The following RPS6KA1 variants were observed in gnomAD, a reference collection of about 807,000 sequenced individuals.
RPS6KA1 encodes the protein ribosomal protein S6 kinase A1, also known as ribosomal protein S6 kinase alpha-1.
Under a neutral mutation model 91.3 loss-of-function variants are expected in RPS6KA1, and 48 were observed. The ratio of observed to expected loss-of-function variants is 0.53; its 90% confidence interval spans 0.42 to 0.67. RPS6KA1 has a LOEUF of 0.67. Among genes scored for constraint, RPS6KA1 ranks in the 30% least tolerant of loss-of-function variants. The probability of loss-of-function intolerance (pLI) is 0.00; values close to 1 mark genes in which losing one functional copy is unlikely to be tolerated. For missense variants in RPS6KA1, 719 were observed against 960.5 expected (o/e 0.75, Z 3.32); for synonymous variants, 359 against 384.7 (o/e 0.93, Z 0.78).
At chr1:26,537,061 C>T in intron 2 of RPS6KA1, 92 bp downstream of exon 2, 1 of 1,378,774 alleles carries the variant, frequency 7.3e-7, no homozygotes. Flanking sequence ...GCCTCTAGCC[C>T]CTTTGCCCAA....
chr1:26,551,762 G>A lies in RPS6KA1; in HGVS notation c.468+39G>A. ...TACTGCCAGAGGGCCCCGGGATGGA[G>A]CTGAGGGACGACAAGTCCTCCCATC... On this transcript the variant is annotated intron_variant, in intron 6 of 21. Transcript: ENST00000374168. The surrounding 1 kb of genome is among the most constrained non-coding windows in gnomAD (Gnocchi z 4.5). 1.3e-6 allele frequency: 2 copies of A among 1,549,816 alleles called. No homozygotes were observed. The highest frequency in any genetic ancestry group is 1.8e-6 in the Non-Finnish European group (2 of 1,121,536).
intron 1 of RPS6KA1, among the ~76,000 whole-genome samples, chr1:26,535,819 G>T (rs2075902000): frequency 6.6e-6 from 1 of 152,020 alleles, no homozygotes; most frequent in Admixed American, 6.5e-5. Flanking sequence ...GCCACATGGG[G>T]CCAGGGCCTA....
At chr1:26,564,695 G>A (rs1174867508) in intron 17 of RPS6KA1, among the ~76,000 whole-genome samples, 1 of 152,140 alleles carries the variant, frequency 6.6e-6, no homozygotes, top group Non-Finnish European at 1.5e-5. Context: ...GGCGATGCCT[G>A]ATTATGTCTA....
intron 2 of RPS6KA1, 32 bp downstream of exon 2, chr1:26,537,001 G>A: frequency 6.2e-7 from 1 of 1,612,410 alleles, no homozygotes; most frequent in Admixed American, 1.7e-5. Flanking sequence ...CTGAGCGAGG[G>A]GCTGTGGGGG....
chr1:26,550,231 G>A (rs1161505578), intron 4 of RPS6KA1, among the ~76,000 whole-genome samples: 17 of 139,750 alleles, frequency 1.2e-4, no homozygotes, highest in African/African-American at 4.5e-4. Context: ...TCACCAGGCT[G>A]GAGTGCAGTG....
At position 26,558,843 on chromosome 1, in the gene RPS6KA1, A is replaced by G. The variant is rs2076128512; in HGVS notation, c.1121A>G (p.Gln374Arg). 6.2e-7 allele frequency: 1 copy of G among 1,613,324 alleles called. No individual in the cohort carries two copies. The highest frequency in any genetic ancestry group is 2.2e-5 in the East Asian group (1 of 44,830). The change falls in exon 14 of 22, where the codon CAG becomes CGG. Residue 374 changes from glutamine (Q) to arginine (R), a missense_variant. This residue lies in a region of RPS6KA1 where 228 missense variants were observed against 247.6 expected (regional missense o/e 0.92). Coordinates refer to ENST00000374168, the MANE Select transcript of RPS6KA1 (RefSeq NM_002953.4). The surrounding 1 kb of genome is among the most constrained non-coding windows in gnomAD (Gnocchi z 4.0). ...PGIPPSAGAH[Q>R]LFRGFSFVAT... is the part of the protein sequence containing the mutation. ...ATCCCCCCCAGCGCTGGGGCCCATCAGCTGTTCCGGGGCTTCAGCTTCGTG... is the reference window on the plus strand; with the variant it reads ...ATCCCCCCCAGCGCTGGGGCCCATCGGCTGTTCCGGGGCTTCAGCTTCGTG...
rs1401237709 is a variant in RPS6KA1 at position 26,554,425 on chromosome 1, C to T, written c.614-171C>T. 24 of 1,133,138 alleles carry T rather than the reference C, an allele frequency of 2.1e-5. No individual in the cohort carries two copies. The highest frequency in any genetic ancestry group is 3.1e-5 in the Non-Finnish European group (24 of 784,648). The allele number at this position is 1,133,138 out of a possible 1,614,324, so 70.2% of individuals were successfully genotyped here. On this transcript the variant is annotated intron_variant, in intron 8 of 21. Transcript: ENST00000374168. This position sits in a 1 kb window ranked among gnomAD's most constrained non-coding sequence, Gnocchi z 4.6. ...ACACCCTCAGCTGGAATCCCAGCCC[C>T]TCATTGTGTAACGTTGAGCAAGTCA...
In RPS6KA1 at chr1:26,535,729, A is replaced by T. The variant is rs369327948; in HGVS notation, c.64-1196A>T. 2.9e-3 allele frequency among the ~76,000 whole-genome samples: 439 copies of T among 152,250 alleles called. 1 individual carries two copies. The highest frequency in any genetic ancestry group is 0.01 in the African/African-American group (417 of 41,536). ...TGGAGCACCTCCTGGATTTGGGACC[A>T]GATTTTGAATCCCCACTCACCAGTT... On this transcript the variant is annotated intron_variant, in intron 1 of 21. Coordinates refer to ENST00000374168, the MANE Select transcript of RPS6KA1 (RefSeq NM_002953.4).
chr1:26,560,906 G>A (rs551139370), intron 15 of RPS6KA1, 55 bp downstream of exon 15: 35 of 1,612,156 alleles, frequency 2.2e-5, no homozygotes, highest in Middle Eastern at 1.7e-4. Flanking sequence ...GCAGGTCCCC[G>A]TCTGGTGGGG....
At chr1:26,530,870 T>G (rs2075862460) in intron 1 of RPS6KA1, 3 of 1,283,794 alleles carry the variant, frequency 2.3e-6, no homozygotes, top group Non-Finnish European at 3.0e-6. Context: ...GGTGGAAAAC[T>G]TCCTCCTTAA....
intron 6 of RPS6KA1, among the ~76,000 whole-genome samples, chr1:26,553,121 G>A (rs1462734872): frequency 1.3e-5 from 2 of 152,194 alleles, no homozygotes; most frequent in Non-Finnish European, 2.9e-5. Flanking sequence ...ACTCCATTAT[G>A]CAGGGGAGAG....
chr1:26,561,000 G>T (rs1280769001), intron 15 of RPS6KA1, 45 bp from the exon 16 acceptor site: 1 of 1,603,904 alleles, frequency 6.2e-7, no homozygotes, highest in Admixed American at 1.7e-5. Flanking sequence ...AAAGGACCCT[G>T]GACCCTGTCA....
Position 26,558,661 on chromosome 1 carries a change from C to A in RPS6KA1, c.1085-146C>A. 1 of 869,526 alleles carries A rather than the reference C, an allele frequency of 1.2e-6. No individual in the cohort carries two copies. The highest frequency in any genetic ancestry group is 1.8e-6 in the Non-Finnish European group (1 of 549,762). The allele number at this position is 869,526 out of a possible 1,614,324, so 53.9% of individuals were successfully genotyped here. On this transcript the variant is annotated intron_variant, in intron 13 of 21. Transcript: ENST00000374168. The surrounding 1 kb of genome is among the most constrained non-coding windows in gnomAD (Gnocchi z 4.0). ...ACACATATGAGCAGTTGGGCCAAGG[C>A]CTGTGATGGACAGGCCCTCTGCAGG...
At chr1:26,565,120 G>T (rs1255826177) in intron 17 of RPS6KA1, among the ~76,000 whole-genome samples, 1 of 152,188 alleles carries the variant, frequency 6.6e-6, no homozygotes. Context: ...GAGTGTATGT[G>T]TCTCCAAAGT....
intron 14 of RPS6KA1, 112 bp from the exon 15 acceptor site, chr1:26,560,614 T>A: frequency 7.3e-7 from 1 of 1,368,636 alleles, no homozygotes; most frequent in South Asian, 1.3e-5. Flanking sequence ...CTACCCCAAG[T>A]CTCCTGGCCC....
chr1:26,553,192 A>C (rs1382139806), intron 6 of RPS6KA1, among the ~76,000 whole-genome samples, 199 bp from the exon 7 acceptor site: 1 of 152,098 alleles, frequency 6.6e-6, no homozygotes, highest in Non-Finnish European at 1.5e-5. Context: ...TCTATTTCTG[A>C]ATGGTGCCAC....
At chr1:26,544,149 T>A (rs1463649423) in intron 2 of RPS6KA1, 1 of 456,366 alleles carries the variant, frequency 2.2e-6, no homozygotes, top group Non-Finnish European at 4.4e-6. Flanking sequence ...TGCCCGTGTG[T>A]CTGCCAGGTG....
chr1:26,531,895 A>T (rs1328120226), intron 1 of RPS6KA1, among the ~76,000 whole-genome samples: 2 of 152,170 alleles, frequency 1.3e-5, no homozygotes. Context: ...AACAGGAGCC[A>T]CAGGGCAGCC....
In RPS6KA1 at chr1:26,536,928, G is replaced by A. The variant is rs765896711; in HGVS notation, c.67G>A (p.Gly23Arg). 4 of 1,614,116 alleles carry A rather than the reference G, an allele frequency of 2.5e-6. No homozygotes were observed. The South Asian group carries it at 4.4e-5, about 18-fold the overall frequency. ...CAATCTCCTTTCTCTTTTCCAGAAT[G>A]GACAGACCTCAGGGGAAGAAGCTGG... ...MELVPLDPEN[G>R]QTSGEEAGLQ... Residue 23 changes from glycine (G) to arginine (R), a missense_variant, in exon 2 of 22, where the codon GGA (glycine) becomes AGA (arginine). Transcript: ENST00000374168.
Sources: gnomAD v4.1 joint callset for allele counts (sites outside exome capture counted in the v4.1 genomes callset) on GRCh38, gnomAD v4.1.1 for gene constraint, gnomAD v4.1.1 regional missense constraint, Gnocchi (gnomAD v3.1) non-coding constraint, MANE v1.5 for transcripts, NCBI Gene and HGNC (gene_info 2026-07-23, HGNC 2026-07-21) for gene names.